The following SORT1 variants were observed in gnomAD, a reference collection of about 807,000 sequenced individuals.
SORT1 encodes the protein sortilin.
SORT1 carries 39 observed loss-of-function variants against 101.7 expected under a neutral mutation model. The observed-to-expected ratio is 0.38, with a 90% confidence interval of 0.30 to 0.50. The LOEUF (loss-of-function observed/expected upper bound fraction) is 0.50, where lower values mean the gene tolerates loss of function less well. Ranked by LOEUF, SORT1 falls within the 20% of genes least tolerant of loss-of-function variation. The pLI is 0.90. For synonymous variants in SORT1, 396 were observed against 393.7 expected (o/e 1.01, Z -0.07); for missense variants, 878 against 1,040.4 (o/e 0.84, Z 2.15).
chr1:109,378,730 AT>A (rs1165235711), intron 1 of SORT1, among the ~76,000 whole-genome samples: 24 of 98,820 alleles, frequency 2.4e-4, no homozygotes, highest in African/African-American at 1.0e-3. Flanking sequence ...ATATATATAT[AT>A]ATATATATAT....
chr1:109,327,068 G>A lies in SORT1; in HGVS notation c.1567C>T (p.His523Tyr). 1 of 1,612,508 alleles carries A rather than the reference G, an allele frequency of 6.2e-7. No individual in the cohort carries two copies. Among genetic ancestry groups the A allele is most frequent in the Non-Finnish European group, 8.5e-7 (1 of 1,179,524 alleles). Reference protein sequence around the residue: ...YSWTKMLEGPHYYTILDSGGI... With the variant: ...YSWTKMLEGPYYYTILDSGGI... ...CCAGAATCCAGGATGGTGTAATAGT[G>A]GGGTCCTTCCAGCATCTTTGTCCAG... Residue 523 changes from histidine (H) to tyrosine (Y), a missense_variant, in exon 13 of 20, where the codon CAC becomes TAC. Coordinates refer to ENST00000256637, the MANE Select transcript of SORT1 (RefSeq NM_002959.7).
chr1:109,390,771 A>G lies in SORT1; in HGVS notation c.306+6816T>C, dbSNP rs200580865. 3.8e-3 allele frequency among the ~76,000 whole-genome samples: 549 copies of G among 145,714 alleles called. 2 individuals carry two copies. Among genetic ancestry groups the G allele is most frequent in the African/African-American group, 0.012 (460 of 38,268 alleles). Reference sequence around the variant, plus strand: ...TTAGAAAGTGTGTGTGTGTGTGTGTATGTGTGTGTGTGTGTGTGTGTGTGT... The same window carrying G: ...TTAGAAAGTGTGTGTGTGTGTGTGTGTGTGTGTGTGTGTGTGTGTGTGTGT... On this transcript the variant is annotated intron_variant, in intron 1 of 19. Coordinates refer to ENST00000256637, the MANE Select transcript of SORT1 (RefSeq NM_002959.7).
intron 1 of SORT1, 48 bp from the exon 2 acceptor site, chr1:109,369,637 C>T (rs779969573): frequency 1.3e-5 from 15 of 1,176,330 alleles, no homozygotes; most frequent in Non-Finnish European, 1.8e-5. Flanking sequence ...CACTCTCCTT[C>T]AATCTTTGGC....
At chr1:109,375,021 G>A (rs938033417) in intron 1 of SORT1, among the ~76,000 whole-genome samples, 1 of 152,180 alleles carries the variant, frequency 6.6e-6, no homozygotes, top group Non-Finnish European at 1.5e-5. Context: ...CACTGTAGAA[G>A]AGGTGAGTGT....
intron 11 of SORT1, among the ~76,000 whole-genome samples, chr1:109,329,009 C>T (rs1036754362): frequency 6.6e-6 from 1 of 152,090 alleles, no homozygotes; most frequent in African/African-American, 2.4e-5. Context: ...GATTCCACTG[C>T]CAGGCCTGCC....
intron 11 of SORT1, among the ~76,000 whole-genome samples, chr1:109,334,268 G>T (rs1361518665): frequency 6.6e-6 from 1 of 152,200 alleles, no homozygotes; most frequent in African/African-American, 2.4e-5. Flanking sequence ...GTCCACTGCA[G>T]TATTATTCAC....
intron 9 of SORT1, among the ~76,000 whole-genome samples, chr1:109,341,236 T>A (rs976129272): frequency 1.3e-5 from 2 of 152,226 alleles, no homozygotes; most frequent in African/African-American, 4.8e-5. Context: ...TCAAACTATC[T>A]GTAGTGAAGG....
At position 109,314,714 on chromosome 1, in the gene SORT1, A is replaced by G. The variant is rs1399955017; in HGVS notation, c.2315T>C (p.Val772Ala). 1.2e-6 allele frequency: 2 copies of G among 1,611,266 alleles called. No homozygotes were observed. Among genetic ancestry groups the G allele is most frequent in the South Asian group, 1.1e-5 (1 of 91,020 alleles). ...AIVGLMLVTV[V>A]AGVLIVKKYV... Reference sequence around the variant, plus strand: ...TTTCTTCACAATGAGCACTCCTGCTACGACTGTGACCAGCATCAATCCCAC... The same window carrying G: ...TTTCTTCACAATGAGCACTCCTGCTGCGACTGTGACCAGCATCAATCCCAC... The change falls in exon 18 of 20, where the codon GTA (valine) becomes GCA (alanine). Residue 772 changes from valine (V) to alanine (A), a missense_variant. Transcript: ENST00000256637.
intron 1 of SORT1, chr1:109,393,418 T>G (rs1285146496): frequency 1.9e-6 from 1 of 533,910 alleles, no homozygotes. Context: ...AAGGAAATTA[T>G]GTCAGCCACC....
chr1:109,360,303 T>C (rs1416035807), intron 3 of SORT1, among the ~76,000 whole-genome samples: 3 of 152,016 alleles, frequency 2.0e-5, no homozygotes, highest in Admixed American at 2.0e-4. Flanking sequence ...GACACTGCAC[T>C]CCAGCCTGGG....
chr1:109,319,349 C>T (rs1647462483), intron 15 of SORT1, among the ~76,000 whole-genome samples: 1 of 152,216 alleles, frequency 6.6e-6, no homozygotes, highest in Admixed American at 6.5e-5. Flanking sequence ...CTCCGACCTG[C>T]CCTGGGGCCT....
chr1:109,394,239 G>A (rs1219887864), intron 1 of SORT1, among the ~76,000 whole-genome samples: 1 of 151,960 alleles, frequency 6.6e-6, no homozygotes, highest in Non-Finnish European at 1.5e-5. Flanking sequence ...ACTTTCCCAT[G>A]AGTCTATTAT....
At chr1:109,324,717 G>A (rs1425307003) in intron 14 of SORT1, among the ~76,000 whole-genome samples, 182 bp downstream of exon 14, 7 of 152,098 alleles carry the variant, frequency 4.6e-5, no homozygotes, top group Admixed American at 3.3e-4. Flanking sequence ...TGCTAGCACC[G>A]AGGAGGAGGT....
At chr1:109,365,113 C>T (rs916468292) in intron 3 of SORT1, among the ~76,000 whole-genome samples, 6 of 152,168 alleles carry the variant, frequency 3.9e-5, no homozygotes, top group African/African-American at 9.7e-5. Context: ...TAAGATTACA[C>T]GTGGCTGTAT....
At chr1:109,380,708 T>A (rs1652166769) in intron 1 of SORT1, among the ~76,000 whole-genome samples, 1 of 145,866 alleles carries the variant, frequency 6.9e-6, no homozygotes. Flanking sequence ...GCCGGTGCAG[T>A]GGCTCACACC....
chr1:109,350,941 C>A lies in SORT1; in HGVS notation c.770G>T (p.Cys257Phe). 2 of 1,611,862 alleles carry A rather than the reference C, an allele frequency of 1.2e-6. No individual in the cohort carries two copies. Among genetic ancestry groups the A allele is most frequent in the Non-Finnish European group, 1.7e-6 (2 of 1,177,888 alleles). Residue 257 changes from cysteine to phenylalanine, a missense_variant, in exon 6 of 20, where the codon TGT (cysteine) becomes TTT (phenylalanine). Cys to Phe is a radical substitution (Grantham distance 205). This residue lies in a region of SORT1 where 684 missense variants were observed against 894.5 expected (regional missense o/e 0.76). Transcript: ENST00000256637. ...TTCTGTTACTCACCATTTGGCCAAACATACTGCTTTGTGGATTTCTTCCCA... is the reference window on the plus strand; with the variant it reads ...TTCTGTTACTCACCATTTGGCCAAAAATACTGCTTTGTGGATTTCTTCCCA... ...GKWEEIHKAVCLAKWGSDNTI... is the reference protein window; with the variant it reads ...GKWEEIHKAVFLAKWGSDNTI...
In SORT1 at chr1:109,317,872, C is replaced by T. The variant is rs187592600; in HGVS notation, c.2122G>A (p.Glu708Lys). ...DLEFCLYGRE[E>K]HLTTNGYRKI... is the part of the protein sequence containing the mutation. Reference sequence around the variant, plus strand: ...CCTCACCCATTTGTTGTTAGGTGTTCTTCTCTTCCGTACAGACAAAACTCC... The same window carrying T: ...CCTCACCCATTTGTTGTTAGGTGTTTTTCTCTTCCGTACAGACAAAACTCC... The change falls in exon 16 of 20, where the codon GAA becomes AAA. Residue 708 changes from glutamate to lysine, a missense_variant. Glu to Lys is a moderately conservative substitution (Grantham distance 56). Around this residue, in one of 2 missense-constraint regions of SORT1, gnomAD observed 684 missense variants for 894.5 expected, o/e 0.76. Coordinates refer to ENST00000256637, the MANE Select transcript of SORT1 (RefSeq NM_002959.7). 6.2e-7 allele frequency: 1 copy of T among 1,612,114 alleles called. No homozygotes were observed. The highest frequency in any genetic ancestry group is 1.3e-5 in the African/African-American group (1 of 74,886).
chr1:109,354,910 C>T, intron 4 of SORT1, among the ~76,000 whole-genome samples: 1 of 152,084 alleles, frequency 6.6e-6, no homozygotes, highest in East Asian at 1.9e-4. Flanking sequence ...CTCAGAGTTC[C>T]ATTCTTATAT....
intron 3 of SORT1, among the ~76,000 whole-genome samples, chr1:109,356,976 G>A (rs1650366109): frequency 1.3e-5 from 2 of 152,230 alleles, no homozygotes; most frequent in African/African-American, 4.8e-5. Flanking sequence ...GTAATCTGCA[G>A]TGGTCTTCAA....
Sources: allele counts gnomAD v4.1 joint callset (sites outside exome capture counted in the v4.1 genomes callset), GRCh38; gene constraint gnomAD v4.1.1; regional missense constraint gnomAD v4.1.1; transcripts MANE v1.5; gene names NCBI Gene and HGNC (gene_info 2026-07-23, HGNC 2026-07-21).